OR11G2: variants seen among roughly 807,000 people sequenced by gnomAD.
OR11G2 encodes olfactory receptor family 11 subfamily G member 2, also known as olfactory receptor 11G2.
OR11G2 carries 2 observed loss-of-function variants against 0.9 expected under a neutral mutation model. That is an observed-to-expected ratio of 2.35 (90% CI 0.96 to 7.38). The LOEUF is 7.38. Ranked by LOEUF, OR11G2 falls within the 30% of genes most tolerant of loss-of-function variation. OR11G2 has a pLI of 0.05. For missense variants in OR11G2, 395 were observed against 371.3 expected, an observed-to-expected ratio of 1.06 and a Z score of -0.52; for synonymous variants, 153 against 142.0, an observed-to-expected ratio of 1.08 and a Z score of -0.55.
intron 1 of OR11G2, among the ~76,000 whole-genome samples, chr14:20,192,613 G>A (rs1314059914): frequency 1.3e-5 from 2 of 152,164 alleles, no homozygotes; most frequent in African/African-American, 2.4e-5. Flanking sequence ...GTAATTTGAA[G>A]TCTCTCTTAT....
At position 20,199,021 on chromosome 14, in the gene OR11G2, T is replaced by C. The variant is rs1016322777; in HGVS notation, c.*648T>C. The stretch of plus-strand genomic sequence containing the variant: ...CTACTTGTATGTGTTTTTAAAATGA[T>C]CTGTGCTCGTTTTAGTTTTACTCTT... On this transcript the variant is annotated 3_prime_UTR_variant, in exon 2 of 2. Transcript: ENST00000641879. 6.6e-6 allele frequency: 1 copy of C among 152,270 alleles called. No individual in the cohort carries two copies. The highest frequency in any genetic ancestry group is 1.5e-5 in the Non-Finnish European group (1 of 68,074). 9.4% of individuals were successfully genotyped at this position (152,270 alleles called of 1,614,324 possible).
Position 20,198,120 on chromosome 14 carries a change from C to T in OR11G2, c.683C>T (p.Ala228Val), listed in dbSNP as rs1879814705. The change falls in exon 2 of 2, where the codon GCT (alanine) becomes GTT (valine). Residue 228 changes from alanine to valine, a missense_variant. Physicochemically the swap from Ala to Val is moderately conservative, Grantham distance 64. Transcript: ENST00000641879. ...GGGTCCTATGCTCTGGTCGTGAGAG[C>T]TGTGTTGAGGGTCCCTTCAGCAGCT... is the stretch of plus-strand genomic sequence containing the variant. ...IVGSYALVVR[A>V]VLRVPSAAGR... is the part of the protein sequence containing the mutation. 6.2e-7 allele frequency: 1 copy of T among 1,614,124 alleles called. No homozygotes were observed. Among genetic ancestry groups the T allele is most frequent in the Non-Finnish European group, 8.5e-7 (1 of 1,180,030 alleles).
intron 1 of OR11G2, among the ~76,000 whole-genome samples, chr14:20,196,916 G>C (rs1180412641): frequency 1.3e-5 from 2 of 152,134 alleles, no homozygotes; most frequent in Non-Finnish European, 2.9e-5. Flanking sequence ...TTAGAATAAG[G>C]CCAGTGTCAA....
chr14:20,197,631 T>G lies in OR11G2; in HGVS notation c.194T>G (p.Ile65Ser), dbSNP rs4981822. The change falls in exon 2 of 2, where the codon ATC becomes AGC. Residue 65 changes from isoleucine (I) to serine (S), a missense_variant. Physicochemically the swap from Ile to Ser is moderately radical, Grantham distance 142 (BLOSUM62 -2). Transcript: ENST00000641879. The stretch of plus-strand genomic sequence containing the variant: ...CAGAGACTCCACGCCCCCATGTACA[T>G]CCTGCTCGCCAACTTCTCCTTCTTG... ...WDQRLHAPMY[I>S]LLANFSFLEI... is the part of the protein sequence containing the mutation. The G allele has an allele frequency of 2.5e-6, 4 of 1,613,706 alleles. No homozygotes were observed. The East Asian group carries it at 6.7e-5, about 27-fold the overall frequency.
rs1002781386 is a variant in OR11G2, at chr14:20,199,491, G to A, written c.*1118G>A. ...CCTCAGGGAAATACACATGGGGAATGTGAAACTCACCTCCCTTTTCTTCCC... is the reference window on the plus strand; with the variant it reads ...CCTCAGGGAAATACACATGGGGAATATGAAACTCACCTCCCTTTTCTTCCC... On this transcript the variant is annotated 3_prime_UTR_variant, in exon 2 of 2. Transcript: ENST00000641879. 6 of 152,246 alleles carry A rather than the reference G, an allele frequency of 3.9e-5. No individual in the cohort carries two copies. The highest frequency in any genetic ancestry group is 1.4e-4 in the African/African-American group (6 of 41,456). The allele number at this position is 152,246 out of a possible 1,614,324, so 9.4% of individuals were successfully genotyped here.
chr14:20,197,606 C>G lies in OR11G2; in HGVS notation c.169C>G (p.Gln57Glu), dbSNP rs1217006679. 5.0e-6 allele frequency: 8 copies of G among 1,614,052 alleles called. No homozygotes were observed. Among genetic ancestry groups the G allele is most frequent in the African/African-American group, 2.7e-5 (2 of 74,922 alleles). ...CATCATCTGTGCTGTGCACTGGGAT[C>G]AGAGACTCCACGCCCCCATGTACAT... ...GSIICAVHWDQRLHAPMYILL... is the reference protein window; with the variant it reads ...GSIICAVHWDERLHAPMYILL... The change falls in exon 2 of 2, where the codon CAG (glutamine) becomes GAG (glutamate). Residue 57 changes from glutamine to glutamate, a missense_variant. Gln to Glu is a conservative substitution (Grantham distance 29). Transcript: ENST00000641879.
At chr14:20,196,894 T>TA (rs1879763474) in intron 1 of OR11G2, among the ~76,000 whole-genome samples, 1 of 152,200 alleles carries the variant, frequency 6.6e-6, no homozygotes, top group South Asian at 2.1e-4. Context: ...GTTAATAAGT[T>TA]AACCATTTAA....
intron 1 of OR11G2, among the ~76,000 whole-genome samples, chr14:20,192,214 G>A (rs1018953779): frequency 1.3e-5 from 2 of 152,068 alleles, no homozygotes; most frequent in African/African-American, 4.8e-5. Context: ...TTTCATCTGA[G>A]AGACAAATGC....
chr14:20,193,107 G>C lies in OR11G2; in HGVS notation c.-5+1441G>C, dbSNP rs748486891. Among the ~76,000 whole-genome samples, 3 of 152,046 alleles carry C rather than the reference G, an allele frequency of 2.0e-5. No individual in the cohort carries two copies. The South Asian group carries it at 6.2e-4, about 32-fold the overall frequency. On this transcript the variant is annotated intron_variant, in intron 1 of 1. Transcript: ENST00000641879. The stretch of plus-strand genomic sequence containing the variant: ...TGTTTTTTGTTTTGTTTTGTTTGTT[G>C]TTTTGGTTTTTGTTTTGGGGGTTGT...
rs1029400598 is a variant in OR11G2, at chr14:20,200,714, G to A, written c.*2341G>A. The stretch of plus-strand genomic sequence containing the variant: ...GGGAAATGTTTACTGCAGCATTGTT[G>A]TAATAGCAAAATATTGAGAAAAACA... On this transcript the variant is annotated 3_prime_UTR_variant, in exon 2 of 2. Coordinates refer to ENST00000641879, the MANE Select transcript of OR11G2 (RefSeq NM_001386033.1). 5 of 152,186 alleles carry A rather than the reference G, an allele frequency of 3.3e-5. No homozygotes were observed. The highest frequency in any genetic ancestry group is 1.2e-4 in the African/African-American group (5 of 41,442). 9.4% of individuals were successfully genotyped at this position (152,186 alleles called of 1,614,324 possible).
At chr14:20,194,444 G>A (rs207474487) in intron 1 of OR11G2, among the ~76,000 whole-genome samples, 1 of 152,138 alleles carries the variant, frequency 6.6e-6, no homozygotes, top group Non-Finnish European at 1.5e-5. Context: ...TGTGAGGGTA[G>A]AGGAAAAGAA....
chr14:20,196,858 A>G (rs182130604), intron 1 of OR11G2, among the ~76,000 whole-genome samples: 61 of 152,340 alleles, frequency 4.0e-4, no homozygotes, highest in African/African-American at 1.3e-3. Context: ...TGTGTTACTC[A>G]TGAAACAAGT....
In OR11G2 at chr14:20,198,477, C is replaced by A. The variant is rs1594225089; in HGVS notation, c.*104C>A. 1.3e-6 allele frequency: 1 copy of A among 790,808 alleles called. No individual in the cohort carries two copies. Among genetic ancestry groups the A allele is most frequent in the East Asian group, 2.5e-5 (1 of 39,498 alleles). The allele number at this position is 790,808 out of a possible 1,614,324, so 49.0% of individuals were successfully genotyped here. A position where few individuals can be genotyped will look rare whatever the true frequency, so the allele number is the denominator to read the frequency against. The stretch of plus-strand genomic sequence containing the variant: ...GGCGCGGTGGCTTACGCCTGTAATC[C>A]CAGCACTTTGGGAGCCCGAGGCGGG... On this transcript the variant is annotated 3_prime_UTR_variant, in exon 2 of 2. Coordinates refer to ENST00000641879, the MANE Select transcript of OR11G2 (RefSeq NM_001386033.1).
At position 20,200,385 on chromosome 14, in the gene OR11G2, G is replaced by A. The variant is rs1001632450; in HGVS notation, c.*2012G>A. The A allele has an allele frequency of 6.6e-6, 1 of 152,114 alleles. No homozygotes were observed. Among genetic ancestry groups the A allele is most frequent in the Non-Finnish European group, 1.5e-5 (1 of 68,014 alleles). 9.4% of individuals were successfully genotyped at this position (152,114 alleles called of 1,614,324 possible). A position where few individuals can be genotyped will look rare whatever the true frequency, so the allele number is the denominator to read the frequency against. ...AAAGGATATAAACGAATAACATCCA[G>A]AAAAAGATTCTTAAACATGGAAAGG... On this transcript the variant is annotated 3_prime_UTR_variant, in exon 2 of 2. Coordinates refer to ENST00000641879, the MANE Select transcript of OR11G2 (RefSeq NM_001386033.1).
At chr14:20,196,777 G>T (rs1879760254) in intron 1 of OR11G2, among the ~76,000 whole-genome samples, 2 of 152,210 alleles carry the variant, frequency 1.3e-5, no homozygotes, top group African/African-American at 2.4e-5. Flanking sequence ...CTGGTCTACT[G>T]AGGATGGCTA....
chr14:20,194,658 T>C (rs1265567900), intron 1 of OR11G2, among the ~76,000 whole-genome samples: 1 of 152,242 alleles, frequency 6.6e-6, no homozygotes, highest in African/African-American at 2.4e-5. Context: ...TATATTCCTC[T>C]GAATTAGTAC....
chr14:20,198,565 A>C lies in OR11G2; in HGVS notation c.*192A>C. 8.3e-6 allele frequency: 3 copies of C among 360,134 alleles called. No individual in the cohort carries two copies. Among genetic ancestry groups the C allele is most frequent in the Admixed American group, 4.4e-5 (1 of 22,822 alleles). 22.3% of individuals were successfully genotyped at this position (360,134 alleles called of 1,614,324 possible). On this transcript the variant is annotated 3_prime_UTR_variant, in exon 2 of 2. Coordinates refer to ENST00000641879, the MANE Select transcript of OR11G2 (RefSeq NM_001386033.1). Reference sequence around the variant, plus strand: ...AACACGGTGAAACCCTGTCTCTACTAAAAAATACAAAAAATTAGCCGGGCG... The same window carrying C: ...AACACGGTGAAACCCTGTCTCTACTCAAAAATACAAAAAATTAGCCGGGCG...
chr14:20,195,047 A>G (rs1879723917), intron 1 of OR11G2, among the ~76,000 whole-genome samples: 1 of 152,192 alleles, frequency 6.6e-6, no homozygotes, highest in African/African-American at 2.4e-5. Flanking sequence ...AACTTATAGA[A>G]AATAGAAGTT....
rs1026446083 is a variant in OR11G2, at chr14:20,198,596, G to A, written c.*223G>A. 3.4e-6 allele frequency: 1 copy of A among 291,582 alleles called. No homozygotes were observed. Among genetic ancestry groups the A allele is most frequent in the African/African-American group, 2.2e-5 (1 of 45,686 alleles). The allele number at this position is 291,582 out of a possible 1,614,324, so 18.1% of individuals were successfully genotyped here. On this transcript the variant is annotated 3_prime_UTR_variant, in exon 2 of 2. Coordinates refer to ENST00000641879, the MANE Select transcript of OR11G2 (RefSeq NM_001386033.1). ...TACAAAAAATTAGCCGGGCGTGGTG[G>A]CGGACGCCTGTAGTCCCAGCTACTC... is the stretch of plus-strand genomic sequence containing the variant.
Sources: gnomAD v4.1 joint callset for allele counts (sites outside exome capture counted in the v4.1 genomes callset) on GRCh38, gnomAD v4.1.1 for gene constraint, MANE v1.5 for transcripts, NCBI Gene and HGNC (gene_info 2026-07-23, HGNC 2026-07-21) for gene names.